The following HNF1B variants were observed in gnomAD, a reference collection of about 807,000 sequenced individuals.
HNF1B encodes hepatocyte nuclear factor 1-beta.
Under a neutral mutation model 61.7 loss-of-function variants are expected in HNF1B, and 8 were observed. The observed-to-expected ratio is 0.13, with a 90% CI of 0.08 to 0.23. The LOEUF is 0.23. HNF1B is among the 10% of genes least tolerant of loss of function. HNF1B has a pLI of 1.00. For missense variants in HNF1B, 562 were observed against 714.5 expected, an observed-to-expected ratio of 0.79 and a Z score of 2.43; for synonymous variants, 314 against 287.7, an observed-to-expected ratio of 1.09 and a Z score of -0.93.
chr17:37,701,036 T>C lies in HNF1B; in HGVS notation c.1481A>G (p.His494Arg), dbSNP rs1284791895. Reference protein sequence around the residue: ...QPLMQQSPGSHMAQQPFMAAV... With the variant: ...QPLMQQSPGSRMAQQPFMAAV... ...TGCCATGAAGGGCTGCTGGGCCATGTGGCTGCCTGGGCTCTGCTGCATGAG... is the reference window on the plus strand; with the variant it reads ...TGCCATGAAGGGCTGCTGGGCCATGCGGCTGCCTGGGCTCTGCTGCATGAG... Residue 494 changes from histidine to arginine, a missense_variant, in exon 7 of 9, where the codon CAC becomes CGC. Around this residue, in one of 6 missense-constraint regions of HNF1B, gnomAD observed 64 missense variants for 96.9 expected, o/e 0.66. Coordinates refer to ENST00000617811, the MANE Select transcript of HNF1B (RefSeq NM_000458.4). The C allele has an allele frequency of 6.4e-7, 1 of 1,556,480 alleles. No individual in the cohort carries two copies. The highest frequency in any genetic ancestry group is 8.7e-7 in the Non-Finnish European group (1 of 1,149,598).
intron 2 of HNF1B, among the ~76,000 whole-genome samples, chr17:37,737,882 C>T (rs1019146368): frequency 5.3e-5 from 8 of 151,186 alleles, no homozygotes; most frequent in South Asian, 4.2e-4. Context: ...ATAACAATAA[C>T]AACAATCTCT....
In HNF1B at chr17:37,698,100, G is replaced by A. The variant is rs528056520; in HGVS notation, c.1653+976C>T. 9.2e-5 allele frequency among the ~76,000 whole-genome samples: 14 copies of A among 152,204 alleles called. No homozygotes were observed. The South Asian group carries it at 2.7e-3, about 29-fold the overall frequency. ...TGAAGGAACCTCCTGGGAAGCCCAT[G>A]GCAGTGGATGAAGTGTGATTTGCAG... On this transcript the variant is annotated intron_variant, in intron 8 of 8. Transcript: ENST00000617811.
intron 2 of HNF1B, among the ~76,000 whole-genome samples, chr17:37,738,224 A>G (rs1598847459): frequency 1.3e-5 from 2 of 152,348 alleles, no homozygotes; most frequent in South Asian, 4.1e-4. Context: ...ATTCTTGGAA[A>G]GGTCTCTCGC....
chr17:37,688,372 TC>T (rs2032053345), intron 8 of HNF1B, among the ~76,000 whole-genome samples: 1 of 102,134 alleles, frequency 9.8e-6, no homozygotes, highest in Non-Finnish European at 1.9e-5. Flanking sequence ...TCTCTCAAGA[TC>T]CCCCCAAACA....
At position 37,687,137 on chromosome 17, in the gene HNF1B, T is replaced by C. The variant is rs1239591360; in HGVS notation, c.*235A>G. 3.0e-6 allele frequency: 2 copies of C among 670,416 alleles called. No individual in the cohort carries two copies. Among genetic ancestry groups the C allele is most frequent in the South Asian group, 1.7e-5 (1 of 58,188 alleles). 41.5% of individuals were successfully genotyped at this position (670,416 alleles called of 1,614,324 possible). Reference sequence around the variant, plus strand: ...CCACCTCCAGGACAGACAGGAGTCCTTGACATCGTGGGAGAGGCATTGTGG... The same window carrying C: ...CCACCTCCAGGACAGACAGGAGTCCCTGACATCGTGGGAGAGGCATTGTGG... On this transcript the variant is annotated 3_prime_UTR_variant, in exon 9 of 9. Transcript: ENST00000617811.
At chr17:37,697,330 G>A (rs528999990) in intron 8 of HNF1B, among the ~76,000 whole-genome samples, 6 of 152,236 alleles carry the variant, frequency 3.9e-5, no homozygotes, top group South Asian at 2.1e-4. Flanking sequence ...AAATGTCTGG[G>A]GACATGGAGA....
intron 5 of HNF1B, among the ~76,000 whole-genome samples, chr17:37,709,650 G>A (rs922986061): frequency 6.6e-6 from 1 of 152,126 alleles, no homozygotes; most frequent in African/African-American, 2.4e-5. Context: ...TGTGGTTACG[G>A]ATATAGAAAA....
intron 1 of HNF1B, among the ~76,000 whole-genome samples, chr17:37,742,307 CG>C (rs1705873241): frequency 6.6e-6 from 1 of 152,260 alleles, no homozygotes; most frequent in Non-Finnish European, 1.5e-5. Flanking sequence ...AGGCCAGCTC[CG>C]GCCGGGAGCC....
intron 5 of HNF1B, among the ~76,000 whole-genome samples, chr17:37,706,170 G>A (rs1375209711): frequency 6.6e-6 from 1 of 152,100 alleles, no homozygotes; most frequent in Non-Finnish European, 1.5e-5. Flanking sequence ...TGTTGACCAG[G>A]CTGGTCTTGA....
chr17:37,708,754 A>T (rs2032834297), intron 5 of HNF1B, among the ~76,000 whole-genome samples: 1 of 152,176 alleles, frequency 6.6e-6, no homozygotes, highest in Admixed American at 6.5e-5. Context: ...GATAGGTGGG[A>T]GTAGGAGAAG....
At chr17:37,725,567 C>G (rs139579910) in intron 4 of HNF1B, among the ~76,000 whole-genome samples, 106 of 152,278 alleles carry the variant, frequency 7.0e-4, no homozygotes, top group African/African-American at 2.3e-3. Context: ...GATAAAGTCC[C>G]TAAGAAGGAG....
chr17:37,743,117 G>T (rs561822784), intron 1 of HNF1B, among the ~76,000 whole-genome samples: 1 of 152,198 alleles, frequency 6.6e-6, no homozygotes, highest in African/African-American at 2.4e-5. Context: ...GGCGCCCCAG[G>T]TCCTTCCAGC....
chr17:37,740,713 G>A (rs766148209), intron 1 of HNF1B, among the ~76,000 whole-genome samples: 40 of 151,370 alleles, frequency 2.6e-4, no homozygotes, highest in Non-Finnish European at 4.7e-4. Context: ...CTTCAATTTC[G>A]GACATTAACA....
chr17:37,715,952 T>C (rs771725453), intron 4 of HNF1B, among the ~76,000 whole-genome samples: 2 of 152,092 alleles, frequency 1.3e-5, no homozygotes, highest in Non-Finnish European at 2.9e-5. Flanking sequence ...GCCAACATGG[T>C]GAAACCCTGT....
intron 2 of HNF1B, among the ~76,000 whole-genome samples, chr17:37,735,822 G>A (rs1425087439): frequency 6.6e-6 from 1 of 152,108 alleles, no homozygotes; most frequent in African/African-American, 2.4e-5. Flanking sequence ...GCAGTAGTAC[G>A]ATCATAGCTC....
intron 8 of HNF1B, among the ~76,000 whole-genome samples, chr17:37,697,978 C>A (rs1317229823): frequency 6.6e-6 from 1 of 152,062 alleles, no homozygotes; most frequent in African/African-American, 2.4e-5. Context: ...GGTCACCAAG[C>A]AAATGGCAGA....
intron 4 of HNF1B, chr17:37,731,383 G>A: frequency 1.5e-6 from 1 of 674,250 alleles, no homozygotes; most frequent in African/African-American, 1.8e-5. Context: ...AGCCGAGTGA[G>A]CCCTCACAGG....
At chr17:37,720,649 A>T (rs962314397) in intron 4 of HNF1B, 2 of 293,866 alleles carry the variant, frequency 6.8e-6, no homozygotes, top group African/African-American at 4.6e-5. Flanking sequence ...TCTATAATAG[A>T]TATCTTTATT....
chr17:37,737,935 C>G (rs2033882795), intron 2 of HNF1B, among the ~76,000 whole-genome samples: 1 of 152,224 alleles, frequency 6.6e-6, no homozygotes, highest in Non-Finnish European at 1.5e-5. Flanking sequence ...TCCTCAGCAT[C>G]TTGAGAAACT....
Sources: gnomAD v4.1 joint callset for allele counts (sites outside exome capture counted in the v4.1 genomes callset) on GRCh38, gnomAD v4.1.1 for gene constraint, gnomAD v4.1.1 regional missense constraint, MANE v1.5 for transcripts, NCBI Gene and HGNC (gene_info 2026-07-23, HGNC 2026-07-21) for gene names.